PCMTD1: variants seen among roughly 807,000 people sequenced by gnomAD.
PCMTD1 encodes the protein protein-L-isoaspartate O-methyltransferase domain-containing protein 1.
PCMTD1 carries 12 observed loss-of-function variants against 37.6 expected under a neutral mutation model. The ratio of observed to expected loss-of-function variants is 0.32; its 90% CI spans 0.20 to 0.52. The LOEUF (loss-of-function observed/expected upper bound fraction) is 0.52. PCMTD1 is among the 20% of genes least tolerant of loss of function. PCMTD1 has a pLI of 0.97. For missense variants in PCMTD1, 235 were observed against 421.3 expected (o/e 0.56, Z 3.87); for synonymous variants, 117 against 135.8 (o/e 0.86, Z 0.96).
chr8:51,839,467 T>C (rs1056156072), intron 3 of PCMTD1: 3 of 985,354 alleles, frequency 3.0e-6, no homozygotes, highest in Admixed American at 6.1e-5. Context: ...GTTTTCTTTA[T>C]AGGTGCATGT....
rs1563367741 is a variant in PCMTD1, at chr8:51,895,934, A to ATTTTTTTTTTTTTTTTTTTTT, written c.-96+2995_-96+2996insAAAAAAAAAAAAAAAAAAAAA. The ATTTTTTTTTTTTTTTTTTTTT allele has an allele frequency of 5.1e-5, 6 of 116,670 alleles. 2 individuals are homozygous for ATTTTTTTTTTTTTTTTTTTTT. The highest frequency in any genetic ancestry group is 5.1e-5 in the Non-Finnish European group (3 of 58,622). The allele number at this position is 116,670 out of a possible 1,614,324, so 7.2% of individuals were successfully genotyped here. On this transcript the variant is annotated intron_variant, in intron 1 of 5. Transcript: ENST00000522514. ...CTTTATTAATGTTAGTATTTGTCCC[A>ATTTTTTTTTTTTTTTTTTTTT]TTTCTTTTTTTTTTTTTTTTTTTTT...
chr8:51,872,114 A>G (rs942415257), intron 1 of PCMTD1, among the ~76,000 whole-genome samples: 10 of 152,228 alleles, frequency 6.6e-5, no homozygotes, highest in Admixed American at 5.9e-4. Flanking sequence ...AAAGTAATAT[A>G]TAAAACTTTA....
At chr8:51,862,351 T>TACACACACAC (rs375960391) in intron 1 of PCMTD1, among the ~76,000 whole-genome samples, 1 of 141,380 alleles carries the variant, frequency 7.1e-6, no homozygotes, top group Non-Finnish European at 1.5e-5. Flanking sequence ...ACATGTTTTA[T>TACACACACAC]ACACATACAC....
chr8:51,870,666 A>G (rs1468222349), intron 1 of PCMTD1, among the ~76,000 whole-genome samples: 2 of 152,216 alleles, frequency 1.3e-5, no homozygotes, highest in Admixed American at 6.5e-5. Flanking sequence ...GACCTTGAAT[A>G]ACTGAAACAC....
chr8:51,878,322 T>C (rs2038744071), intron 1 of PCMTD1, among the ~76,000 whole-genome samples: 1 of 151,176 alleles, frequency 6.6e-6, no homozygotes, highest in Non-Finnish European at 1.5e-5. Flanking sequence ...TGACAATCTT[T>C]TTCCAATGTG....
intron 2 of PCMTD1, among the ~76,000 whole-genome samples, chr8:51,856,886 A>C (rs1224576058): frequency 2.0e-5 from 3 of 152,238 alleles, no homozygotes; most frequent in African/African-American, 7.2e-5. Flanking sequence ...GGCATGGGGA[A>C]TAATCTTTTT....
At chr8:51,828,661 A>G (rs1471019213) in intron 5 of PCMTD1, among the ~76,000 whole-genome samples, 2 of 152,186 alleles carry the variant, frequency 1.3e-5, no homozygotes, top group South Asian at 4.1e-4. Context: ...TCCACTCACA[A>G]TATTTATGAT....
At chr8:51,854,279 C>G (rs1420582494) in intron 2 of PCMTD1, among the ~76,000 whole-genome samples, 1 of 151,950 alleles carries the variant, frequency 6.6e-6, no homozygotes, top group Non-Finnish European at 1.5e-5. Context: ...TCCATAAACA[C>G]AAAATCACCT....
chr8:51,839,166 A>T (rs778739345), intron 3 of PCMTD1, among the ~76,000 whole-genome samples: 39 of 152,186 alleles, frequency 2.6e-4, no homozygotes, highest in Non-Finnish European at 4.1e-4. Context: ...CACTACCAAA[A>T]ATGTTATATG....
rs144066737 is a variant in PCMTD1, at chr8:51,869,377, T to C, written c.-95-8131A>G. ...CGGTTCCACAGATAACTTTGCTGTA[T>C]TGATCCGGCCAAATCCCCAAAATGT... is the stretch of plus-strand genomic sequence containing the variant. On this transcript the variant is annotated intron_variant, in intron 1 of 5. Coordinates refer to ENST00000522514, the MANE Select transcript of PCMTD1 (RefSeq NM_052937.4). Among the ~76,000 whole-genome samples the C allele has an allele frequency of 2.8e-3, 432 of 152,276 alleles. 1 individual carries two copies. The highest frequency in any genetic ancestry group is 0.01 in the African/African-American group (421 of 41,556).
chr8:51,839,500 G>A (rs2038115246), intron 3 of PCMTD1: 2 of 985,370 alleles, frequency 2.0e-6, no homozygotes, highest in South Asian at 4.7e-5. Flanking sequence ...ATCTTGAGAT[G>A]GACAGATGAT....
At chr8:51,880,642 T>G (rs936058588) in intron 1 of PCMTD1, among the ~76,000 whole-genome samples, 4 of 152,190 alleles carry the variant, frequency 2.6e-5, no homozygotes, top group Admixed American at 2.6e-4. Context: ...TATCACCCAA[T>G]TGTCCAACCT....
At chr8:51,842,903 T>C (rs2038167835) in intron 3 of PCMTD1, among the ~76,000 whole-genome samples, 1 of 152,184 alleles carries the variant, frequency 6.6e-6, no homozygotes, top group Admixed American at 6.6e-5. Flanking sequence ...GATAATCTGG[T>C]ACTAAGGAAT....
intron 2 of PCMTD1, among the ~76,000 whole-genome samples, chr8:51,846,556 T>A (rs2038223196): frequency 6.6e-6 from 1 of 152,238 alleles, no homozygotes; most frequent in Non-Finnish European, 1.5e-5. Context: ...CCTTTTCAAC[T>A]TCTGAAATTC....
Position 51,818,122 on chromosome 8 carries a change from T to C in PCMTD1, c.*2229A>G, listed in dbSNP as rs1038707091. 4 of 356,040 alleles carry C rather than the reference T, an allele frequency of 1.1e-5. No individual in the cohort carries two copies. In the Admixed American group the frequency reaches 1.2e-4, roughly 10 times the overall value. 22.1% of individuals were successfully genotyped at this position (356,040 alleles called of 1,614,324 possible). Reference sequence around the variant, plus strand: ...TAAACACAAACCCAAAATATTCTTATTCTAATATATCTGCATTAATAGATA... The same window carrying C: ...TAAACACAAACCCAAAATATTCTTACTCTAATATATCTGCATTAATAGATA... On this transcript the variant is annotated 3_prime_UTR_variant, in exon 6 of 6. Coordinates refer to ENST00000522514, the MANE Select transcript of PCMTD1 (RefSeq NM_052937.4).
At chr8:51,881,008 G>T (rs913311857) in intron 1 of PCMTD1, among the ~76,000 whole-genome samples, 2 of 152,106 alleles carry the variant, frequency 1.3e-5, no homozygotes, top group Admixed American at 6.6e-5. Flanking sequence ...CACAAAAAAA[G>T]ACAGTAGTCC....
rs760340112 is a variant in PCMTD1, at chr8:51,817,939, CA to C, written c.*2411del. ...TCTGTTTTCTCATCTGCAAAATAAA[CA>C]CCCAAATTAGATGATACTTACTGTT... On this transcript the variant is annotated 3_prime_UTR_variant, in exon 6 of 6. Coordinates refer to ENST00000522514, the MANE Select transcript of PCMTD1 (RefSeq NM_052937.4). The C allele has an allele frequency of 4.4e-6, 2 of 456,790 alleles. No homozygotes were observed. Among genetic ancestry groups the C allele is most frequent in the South Asian group, 3.1e-5 (2 of 64,576 alleles). The allele number at this position is 456,790 out of a possible 1,614,324, so 28.3% of individuals were successfully genotyped here.
chr8:51,818,257 G>A lies in PCMTD1; in HGVS notation c.*2094C>T, dbSNP rs2037788581. The A allele has an allele frequency of 3.5e-6, 1 of 285,004 alleles. No homozygotes were observed. The highest frequency in any genetic ancestry group is 6.8e-6 in the Non-Finnish European group (1 of 147,170). The allele number at this position is 285,004 out of a possible 1,614,324, so 17.7% of individuals were successfully genotyped here. A position where few individuals can be genotyped will look rare whatever the true frequency, so the allele number is the denominator to read the frequency against. On this transcript the variant is annotated 3_prime_UTR_variant, in exon 6 of 6. Coordinates refer to ENST00000522514, the MANE Select transcript of PCMTD1 (RefSeq NM_052937.4). ...AAAAACATAAAAGATACATTTCAATGACAAGAAATATGCAATGATCATGAA... is the reference window on the plus strand; with the variant it reads ...AAAAACATAAAAGATACATTTCAATAACAAGAAATATGCAATGATCATGAA...
intron 3 of PCMTD1, among the ~76,000 whole-genome samples, chr8:51,841,445 C>T (rs527538740): frequency 9.2e-5 from 14 of 152,244 alleles, no homozygotes; most frequent in African/African-American, 3.4e-4. Context: ...CTATAAGTCA[C>T]CTAAAAGGGG....
Sources: gnomAD v4.1 joint callset for allele counts (sites outside exome capture counted in the v4.1 genomes callset) on GRCh38, gnomAD v4.1.1 for gene constraint, MANE v1.5 for transcripts, NCBI Gene and HGNC (gene_info 2026-07-23, HGNC 2026-07-21) for gene names.